Variants in AMBN observed in about 807,000 individuals in gnomAD.
AMBN encodes the protein enamel matrix protein.
Under a neutral mutation model 48.0 loss-of-function variants are expected in AMBN, and 54 were observed. The ratio of observed to expected loss-of-function variants is 1.12; its 90% CI spans 0.90 to 1.41. The LOEUF (loss-of-function observed/expected upper bound fraction) is 1.41. Among genes scored for constraint, AMBN ranks in the 40% most tolerant of loss-of-function variants. AMBN has a pLI of 0.00. For missense variants in AMBN, 571 were observed against 547.3 expected (o/e 1.04, Z -0.43); for synonymous variants, 186 against 190.0 (o/e 0.98, Z 0.17).
At chr4:70,596,040 A>G (rs1737377058) in intron 2 of AMBN, among the ~76,000 whole-genome samples, 1 of 152,086 alleles carries the variant, frequency 6.6e-6, no homozygotes, top group African/African-American at 2.4e-5. Flanking sequence ...CTGTAATCCC[A>G]GCACTTTGGG....
In AMBN at chr4:70,601,564, A is replaced by T; in HGVS notation, c.441A>T (p.Pro147=). Residue 147 remains proline, a synonymous_variant, in exon 6 of 13, where the codon CCA becomes CCT. Transcript: ENST00000322937. ...ATALKEALQP[P]IHLGHLPLQE... The stretch of plus-strand genomic sequence containing the variant: ...CACTGAAAGAAGCACTTCAGCCTCC[A>T]ATTCACCTGGGACATCTGCCCTTGC... The T allele has an allele frequency of 6.2e-7, 1 of 1,614,156 alleles. No individual in the cohort carries two copies. The highest frequency in any genetic ancestry group is 8.5e-7 in the Non-Finnish European group (1 of 1,180,002).
rs141535122 is a variant in AMBN, at chr4:70,606,558, T to C, written c.1172T>C (p.Leu391Ser). 1.1e-3 allele frequency: 1,794 copies of C among 1,614,092 alleles called. 3 individuals carry two copies. The highest frequency in any genetic ancestry group is 1.5e-3 in the Non-Finnish European group (1,718 of 1,179,992). Residue 391 changes from leucine (L) to serine (S), a missense_variant, in exon 13 of 13, where the codon TTA becomes TCA. By Grantham distance (145) the Leu-to-Ser change is moderately radical. Coordinates refer to ENST00000322937, the MANE Select transcript of AMBN (RefSeq NM_016519.6). ...AAADPLMTPELADVYRTYDAD... is the reference protein window; with the variant it reads ...AAADPLMTPESADVYRTYDAD... The stretch of plus-strand genomic sequence containing the variant: ...GCTGACCCACTGATGACCCCTGAAT[T>C]AGCTGATGTTTATAGGACCTACGAT...
chr4:70,603,012 T>C lies in AMBN; in HGVS notation c.648+2T>C. 6.2e-7 allele frequency: 1 copy of C among 1,604,824 alleles called. No individual in the cohort carries two copies. Among genetic ancestry groups the C allele is most frequent in the East Asian group, 2.2e-5 (1 of 44,724 alleles). ...TTTGCTGATCCACAAGGTTCAACAG[T>C]AAGTACAGATCTCAATGAGACACTG... On this transcript the variant is annotated splice_donor_variant, in intron 9 of 12. Coordinates refer to ENST00000322937, the MANE Select transcript of AMBN (RefSeq NM_016519.6). LOFTEE classifies it high-confidence loss of function.
At chr4:70,602,319 T>C (rs1737536797) in intron 6 of AMBN, among the ~76,000 whole-genome samples, 1 of 152,166 alleles carries the variant, frequency 6.6e-6, no homozygotes, top group African/African-American at 2.4e-5. Flanking sequence ...ACCAGGTATG[T>C]TCCAGTTCCA....
chr4:70,606,751 CTT>C lies in AMBN; in HGVS notation c.*23_*24del, dbSNP rs755667673. 2 of 1,587,316 alleles carry C rather than the reference CTT, an allele frequency of 1.3e-6. No individual in the cohort carries two copies. The highest frequency in any genetic ancestry group is 2.3e-5 in the South Asian group (2 of 86,550). On this transcript the variant is annotated 3_prime_UTR_variant, in exon 13 of 13. Coordinates refer to ENST00000322937, the MANE Select transcript of AMBN (RefSeq NM_016519.6). ...CCTGACAGCTCTAAGATATTAGCTACTTTCTGTATGCACAAGCTTCCCAGCTT... is the reference window on the plus strand; with the variant it reads ...CCTGACAGCTCTAAGATATTAGCTACTCTGTATGCACAAGCTTCCCAGCTT...
Position 70,606,606 on chromosome 4 carries a change from AT to A in AMBN, c.1223del (p.Phe408SerfsTer30). On this transcript the variant is annotated frameshift_variant, in exon 13 of 13. Coordinates refer to ENST00000322937, the MANE Select transcript of AMBN (RefSeq NM_016519.6). LOFTEE classifies it low-confidence loss of function (END_TRUNC). Reference sequence around the variant, plus strand: ...GATGCTGACATGACCACATCCGTGGATTTCCAGGAAGAAGCAACCATGGATA... The same window carrying A: ...GATGCTGACATGACCACATCCGTGGATTCCAGGAAGAAGCAACCATGGATA... ...TYDADMTTSV[D>X]FQEEATMDTT... The A allele has an allele frequency of 1.2e-6, 2 of 1,614,104 alleles. No homozygotes were observed. Among genetic ancestry groups the A allele is most frequent in the South Asian group, 2.2e-5 (2 of 91,082 alleles).
rs559870572 is a variant in AMBN, at chr4:70,596,108, G to A, written c.85-891G>A. Among the ~76,000 whole-genome samples, 13 of 152,158 alleles carry A rather than the reference G, an allele frequency of 8.5e-5. No homozygotes were observed. In the East Asian group the frequency reaches 2.3e-3, roughly 27 times the overall value. On this transcript the variant is annotated intron_variant, in intron 2 of 12. Transcript: ENST00000322937. ...AGTTCAAGACCAGCCTGGCCAACAT[G>A]GTGAAACTCTGTCTCTACCAAAAAT...
chr4:70,606,810 C>A lies in AMBN; in HGVS notation c.*80C>A. The A allele has an allele frequency of 2.1e-6, 3 of 1,443,694 alleles. No individual in the cohort carries two copies. The highest frequency in any genetic ancestry group is 2.8e-6 in the Non-Finnish European group (3 of 1,072,674). The allele number at this position is 1,443,694 out of a possible 1,614,324, so 89.4% of individuals were successfully genotyped here. ...CACAGTGTACCTTTTTGCTAAAACA[C>A]TTATTACCCTTCTGCAGCAAAGGCA... On this transcript the variant is annotated 3_prime_UTR_variant, in exon 13 of 13. Coordinates refer to ENST00000322937, the MANE Select transcript of AMBN (RefSeq NM_016519.6).
chr4:70,598,964 C>T (rs938929261), intron 4 of AMBN, among the ~76,000 whole-genome samples: 7 of 149,128 alleles, frequency 4.7e-5, no homozygotes, highest in Admixed American at 6.8e-5. Flanking sequence ...TTAGTAGAGA[C>T]GGGGTTTTGC....
At position 70,605,740 on chromosome 4, in the gene AMBN, G is replaced by A. The variant is rs546600426; in HGVS notation, c.799-445G>A. On this transcript the variant is annotated intron_variant, in intron 12 of 12. Transcript: ENST00000322937. ...GAGTTCTAGACCAGCAGCCTGGGCC[G>A]TATAATGAGACCCCTAAAAGAAAAA... Among the ~76,000 whole-genome samples the A allele has an allele frequency of 3.1e-4, 47 of 152,078 alleles. 1 individual carries two copies. Among genetic ancestry groups the A allele is most frequent in the African/African-American group, 7.5e-4 (31 of 41,490 alleles).
intron 2 of AMBN, among the ~76,000 whole-genome samples, 187 bp downstream of exon 2, chr4:70,593,582 T>A (rs955997366): frequency 6.6e-6 from 1 of 152,096 alleles, no homozygotes; most frequent in Non-Finnish European, 1.5e-5. Flanking sequence ...CGGTAAGTGA[T>A]AGCCGGGTGC....
At position 70,606,437 on chromosome 4, in the gene AMBN, G is replaced by A. The variant is rs141401324; in HGVS notation, c.1051G>A (p.Ala351Thr). Residue 351 changes from alanine to threonine, a missense_variant, in exon 13 of 13, where the codon GCA (alanine) becomes ACA (threonine). By Grantham distance (58) the Ala-to-Thr change is moderately conservative (BLOSUM62 0). Coordinates refer to ENST00000322937, the MANE Select transcript of AMBN (RefSeq NM_016519.6). The stretch of plus-strand genomic sequence containing the variant: ...TACAGAGCTAGAACCTGCTCCCCAC[G>A]CAGGGCTCCTTGCTCTCCCTAAGGA... ...FLTELEPAPH[A>T]GLLALPKDDI... The A allele has an allele frequency of 6.4e-5, 103 of 1,613,908 alleles. No individual in the cohort carries two copies. The highest frequency in any genetic ancestry group is 4.4e-4 in the African/African-American group (33 of 75,022).
rs754932853 is a variant in AMBN at position 70,603,877 on chromosome 4, A to C, written c.754A>C (p.Asn252His). Residue 252 changes from asparagine to histidine, a missense_variant and splice_region_variant, in exon 12 of 13, where the codon AAT becomes CAT. By Grantham distance (68) the Asn-to-His change is moderately conservative. Transcript: ENST00000322937. ...TGACGCAATATTTCTTTTTGAACAG[A>C]ATGCCCCTGCCAGACTTGGCATCAT... ...LYVPFGANQL[N>H]APARLGIMSS... The C allele has an allele frequency of 6.2e-7, 1 of 1,614,012 alleles. No individual in the cohort carries two copies. The highest frequency in any genetic ancestry group is 1.1e-5 in the South Asian group (1 of 91,074).
Position 70,602,788 on chromosome 4 carries a change from T to C in AMBN, c.571-10T>C. 1 of 1,573,340 alleles carries C rather than the reference T, an allele frequency of 6.4e-7. No homozygotes were observed. Among genetic ancestry groups the C allele is most frequent in the Non-Finnish European group, 8.6e-7 (1 of 1,157,456 alleles). On this transcript the variant is annotated splice_polypyrimidine_tract_variant and intron_variant, in intron 7 of 12. Transcript: ENST00000322937. ...TTTACTGATAATTTTAATATTTATC[T>C]ACAATATAGCTCCCAGGAATGGATT...
chr4:70,601,525 C>A lies in AMBN; in HGVS notation c.402C>A (p.Thr134=). ...KPFLQSAAAT[T]NQATALKEAL... ...TTCTCCAGTCTGCTGCTGCAACCAC[C>A]AACCAGGCCACAGCACTGAAAGAAG... The change falls in exon 6 of 13, where the codon ACC becomes ACA. Residue 134 remains threonine (T), a synonymous_variant. Coordinates refer to ENST00000322937, the MANE Select transcript of AMBN (RefSeq NM_016519.6). 6.2e-7 allele frequency: 1 copy of A among 1,614,174 alleles called. No homozygotes were observed. Among genetic ancestry groups the A allele is most frequent in the Non-Finnish European group, 8.5e-7 (1 of 1,179,994 alleles).
intron 1 of AMBN, among the ~76,000 whole-genome samples, 154 bp from the exon 2 acceptor site, chr4:70,593,173 T>C (rs1371976069): frequency 6.6e-6 from 1 of 152,202 alleles, no homozygotes; most frequent in Non-Finnish European, 1.5e-5. Context: ...AAATCGGTTG[T>C]TTAGTAACAT....
chr4:70,597,645 A>T (rs1292774392), intron 3 of AMBN, among the ~76,000 whole-genome samples: 1 of 152,096 alleles, frequency 6.6e-6, no homozygotes, highest in Non-Finnish European at 1.5e-5. Context: ...AAGATTATAA[A>T]TTTTTCACAA....
At chr4:70,594,422 T>C (rs184384776) in intron 2 of AMBN, among the ~76,000 whole-genome samples, 27 of 152,344 alleles carry the variant, frequency 1.8e-4, no homozygotes, top group Admixed American at 1.3e-3. Flanking sequence ...CTGCCATGCA[T>C]CCAGTAAATA....
intron 4 of AMBN, among the ~76,000 whole-genome samples, chr4:70,599,115 T>C (rs1722268438): frequency 6.6e-6 from 1 of 151,822 alleles, no homozygotes; most frequent in South Asian, 2.1e-4. Context: ...ACTTTTGCTT[T>C]TGCTATATTT....
Sources: allele counts gnomAD v4.1 joint callset (sites outside exome capture counted in the v4.1 genomes callset), GRCh38; gene constraint gnomAD v4.1.1; transcripts MANE v1.5; gene names NCBI Gene and HGNC (gene_info 2026-07-23, HGNC 2026-07-21).